Variants in TSHZ3 observed in about 807,000 individuals in gnomAD.
TSHZ3 encodes the protein teashirt homolog 3.
Under a neutral mutation model 64.5 loss-of-function variants are expected in TSHZ3, and 10 were observed. That is an observed-to-expected ratio of 0.16 (90% CI 0.10 to 0.26). The LOEUF is 0.26. Among genes scored for constraint, TSHZ3 ranks in the 10% least tolerant of loss-of-function variants. The pLI, the probability that TSHZ3 is intolerant of heterozygous loss-of-function variation, is 1.00. For synonymous variants in TSHZ3, 608 were observed against 593.1 expected, an observed-to-expected ratio of 1.03 and a Z score of -0.36; for missense variants, 1,242 against 1,421.7, an observed-to-expected ratio of 0.87 and a Z score of 2.03.
rs74935739 is a variant in TSHZ3 at position 31,309,198 on chromosome 19, G to T, written c.41-29446C>A. Among the ~76,000 whole-genome samples the T allele has an allele frequency of 5.3e-5, 8 of 152,356 alleles. No homozygotes were observed. The East Asian group carries it at 1.5e-3, about 29-fold the overall frequency. On this transcript the variant is annotated intron_variant, in intron 1 of 1. Transcript: ENST00000240587. ...GGGGCCCTGGGTTCAGGACTTGGGG[G>T]TCCCTATGGTCTCTCAGTGCTGCCA...
At chr19:31,178,703 T>A (rs1201083636) in intron 5 of TSHZ3, among the ~76,000 whole-genome samples, 2 of 152,054 alleles carry the variant, frequency 1.3e-5, no homozygotes, top group Non-Finnish European at 2.9e-5. Flanking sequence ...GATGCTAGCA[T>A]CCTTGCCTCT....
chr19:31,203,011 C>G (rs576821382), intron 5 of TSHZ3, among the ~76,000 whole-genome samples: 1 of 151,430 alleles, frequency 6.6e-6, no homozygotes. Flanking sequence ...TTAAGCCTAA[C>G]AATCACAAAA....
At chr19:31,251,403 T>C (rs1474263597) in intron 1 of TSHZ3, among the ~76,000 whole-genome samples, 2 of 152,124 alleles carry the variant, frequency 1.3e-5, no homozygotes, top group African/African-American at 4.8e-5. Context: ...AACCAGTTGT[T>C]CCTTATTCCA....
chr19:31,326,561 C>T (rs1916935340), intron 1 of TSHZ3, among the ~76,000 whole-genome samples: 1 of 152,234 alleles, frequency 6.6e-6, no homozygotes, highest in Admixed American at 6.5e-5. Flanking sequence ...CCCAGATGCT[C>T]GGAGCCTGCA....
rs1018554061 is a variant in TSHZ3, at chr19:31,349,264, C to G, written c.-45G>C. 2.1e-5 allele frequency: 31 copies of G among 1,511,248 alleles called. No individual in the cohort carries two copies. Among genetic ancestry groups the G allele is most frequent in the Non-Finnish European group, 2.6e-5 (30 of 1,135,128 alleles). The allele number at this position is 1,511,248 out of a possible 1,614,324, so 93.6% of individuals were successfully genotyped here. A position where few individuals can be genotyped will look rare whatever the true frequency, so the allele number is the denominator to read the frequency against. ...CCACTGCCGCCGCCGCCGCCGCTGC[C>G]GGGCTGAGGACAGGGAGGGAGGGGG... On this transcript the variant is annotated 5_prime_UTR_variant, in exon 1 of 2. Coordinates refer to ENST00000240587, the MANE Select transcript of TSHZ3 (RefSeq NM_020856.4).
At chr19:31,341,244 C>A (rs1303829549) in intron 1 of TSHZ3, among the ~76,000 whole-genome samples, 1 of 152,218 alleles carries the variant, frequency 6.6e-6, no homozygotes, top group Admixed American at 6.5e-5. Flanking sequence ...ACATTCTAGC[C>A]TCTTGCAAGA....
chr19:31,227,779 T>C (rs1975488901), intron 4 of TSHZ3, among the ~76,000 whole-genome samples: 1 of 152,160 alleles, frequency 6.6e-6, no homozygotes, highest in African/African-American at 2.4e-5. Flanking sequence ...CTCCAGGCAG[T>C]CCTATCCCTG....
intron 5 of TSHZ3, among the ~76,000 whole-genome samples, chr19:31,192,153 G>T (rs1409926413): frequency 6.6e-6 from 1 of 152,096 alleles, no homozygotes; most frequent in Non-Finnish European, 1.5e-5. Context: ...AAGAAGCATG[G>T]CTAAAAAGAC....
intron 5 of TSHZ3, among the ~76,000 whole-genome samples, chr19:31,177,562 C>G (rs1974630284): frequency 6.6e-6 from 1 of 152,242 alleles, no homozygotes; most frequent in Non-Finnish European, 1.5e-5. Flanking sequence ...CTGTCTCTTA[C>G]AAGGACACAT....
chr19:31,224,460 A>G (rs1346611471), intron 4 of TSHZ3, among the ~76,000 whole-genome samples: 3 of 152,124 alleles, frequency 2.0e-5, no homozygotes, highest in African/African-American at 7.2e-5. Flanking sequence ...CTGAAGGGGG[A>G]AAAGGAAGTT....
chr19:31,201,334 T>C (rs1173133988), intron 5 of TSHZ3, among the ~76,000 whole-genome samples: 2 of 152,138 alleles, frequency 1.3e-5, no homozygotes, highest in African/African-American at 4.8e-5. Context: ...TGATTAAATG[T>C]TCATGTTAAA....
chr19:31,164,052 G>C (rs954639416), intron 5 of TSHZ3, among the ~76,000 whole-genome samples: 1 of 152,186 alleles, frequency 6.6e-6, no homozygotes, highest in African/African-American at 2.4e-5. Flanking sequence ...GTCGAGCTGG[G>C]AGTCTCACGT....
chr19:31,228,824 C>G (rs1347303832), intron 3 of TSHZ3, among the ~76,000 whole-genome samples: 1 of 152,166 alleles, frequency 6.6e-6, no homozygotes, highest in East Asian at 1.9e-4. Context: ...TTTGTAGACC[C>G]TGGTATTTGA....
downstream of TSHZ3, among the ~76,000 whole-genome samples, chr19:31,272,938 G>A (rs1015693639): frequency 2.0e-5 from 3 of 152,084 alleles, no homozygotes; most frequent in African/African-American, 7.2e-5. Flanking sequence ...TGACTTGGGC[G>A]ACCAATGCCT....
intron 1 of TSHZ3, among the ~76,000 whole-genome samples, chr19:31,339,269 GA>G (rs35954735): frequency 8.7e-4 from 132 of 151,784 alleles, no homozygotes; most frequent in Middle Eastern, 3.4e-3. Context: ...AGAAAGGGGG[GA>G]AAAAAAGTCA....
At chr19:31,185,201 T>C (rs546912972) in intron 5 of TSHZ3, among the ~76,000 whole-genome samples, 1 of 152,002 alleles carries the variant, frequency 6.6e-6, no homozygotes, top group Non-Finnish European at 1.5e-5. Context: ...CTTATTCCCA[T>C]AAGCATCTCC....
chr19:31,292,771 C>T (rs1051313778), intron 1 of TSHZ3, among the ~76,000 whole-genome samples: 5 of 150,344 alleles, frequency 3.3e-5, no homozygotes, highest in Middle Eastern at 3.5e-3. Context: ...TCCATCCACC[C>T]ACCCATTCAT....
chr19:31,341,994 T>TA (rs1428082717), intron 1 of TSHZ3, among the ~76,000 whole-genome samples: 4 of 152,216 alleles, frequency 2.6e-5, no homozygotes, highest in Non-Finnish European at 5.9e-5. Context: ...AACTGTCACC[T>TA]ATGACCAAAA....
intron 5 of TSHZ3, among the ~76,000 whole-genome samples, chr19:31,202,649 C>T (rs906471102): frequency 1.3e-5 from 2 of 152,272 alleles, no homozygotes; most frequent in South Asian, 2.1e-4. Flanking sequence ...CATGAACACA[C>T]ATGAAATTTT....
Sources: gnomAD v4.1 joint callset for allele counts (sites outside exome capture counted in the v4.1 genomes callset) on GRCh38, gnomAD v4.1.1 for gene constraint, MANE v1.5 for transcripts, NCBI Gene and HGNC (gene_info 2026-07-23, HGNC 2026-07-21) for gene names.